KIF26B: variants seen among roughly 807,000 people sequenced by gnomAD.
KIF26B encodes the protein kinesin-like protein KIF26B.
A neutral mutation model predicts 151.2 loss-of-function variants in KIF26B; 63 were observed. The ratio of observed to expected loss-of-function variants is 0.42; its 90% CI spans 0.34 to 0.51. KIF26B has a LOEUF of 0.51. Ranked by LOEUF, KIF26B falls within the 20% of genes least tolerant of loss-of-function variation. The pLI, the probability that KIF26B is intolerant of heterozygous loss-of-function variation, is 0.07. For synonymous variants in KIF26B, 1,357 were observed against 1,262.1 expected (o/e 1.08, Z -1.59); for missense variants, 2,813 against 2,913.6 (o/e 0.97, Z 0.79).
chr1:245,344,080 G>T, intron 2 of KIF26B, among the ~76,000 whole-genome samples: 1 of 134,826 alleles, frequency 7.4e-6, no homozygotes, highest in African/African-American at 3.5e-5. Flanking sequence ...TCCCTGCCTC[G>T]CTGCCTCCCT....
intron 11 of KIF26B, among the ~76,000 whole-genome samples, chr1:245,685,132 T>C (rs1231283934): frequency 6.6e-6 from 1 of 152,236 alleles, no homozygotes; most frequent in Non-Finnish European, 1.5e-5. Context: ...CAGCAGCCCT[T>C]AGCTGGTCAG....
chr1:245,631,358 A>T (rs1487343083), intron 9 of KIF26B, among the ~76,000 whole-genome samples: 1 of 152,058 alleles, frequency 6.6e-6, no homozygotes, highest in South Asian at 2.1e-4. Flanking sequence ...TTTATCAAAT[A>T]TTTTTCCTGT....
rs114887415 is a variant in KIF26B at position 245,352,636 on chromosome 1, C to T, written c.466-14198C>T. Among the ~76,000 whole-genome samples, 1 of 151,984 alleles carries T rather than the reference C, an allele frequency of 6.6e-6. No individual in the cohort carries two copies. The highest frequency in any genetic ancestry group is 2.4e-5 in the African/African-American group (1 of 41,342). On this transcript the variant is annotated intron_variant, in intron 2 of 14. Transcript: ENST00000407071. The surrounding 1 kb of genome is among the most constrained non-coding windows in gnomAD (Gnocchi z 5.0). Reference sequence around the variant, plus strand: ...TTTGTCATTTTAATCCTTTTTTGGACCACAACAATCACTTTACGAACATTT... The same window carrying T: ...TTTGTCATTTTAATCCTTTTTTGGATCACAACAATCACTTTACGAACATTT...
Position 245,572,282 on chromosome 1 carries a change from T to G in KIF26B, c.1351-30295T>G, listed in dbSNP as rs2043073074. On this transcript the variant is annotated intron_variant, in intron 5 of 14. Transcript: ENST00000407071. The surrounding 1 kb of genome is among the most constrained non-coding windows in gnomAD (Gnocchi z 4.2). ...TGCCTGGTCAGGGTTGTGATCCCTT[T>G]TGGAGACAGAAGGAGGTAGACGTGC... Among the ~76,000 whole-genome samples the G allele has an allele frequency of 1.3e-5, 2 of 152,174 alleles. No homozygotes were observed.
At chr1:245,543,680 T>C (rs1189827423) in intron 5 of KIF26B, among the ~76,000 whole-genome samples, 1 of 152,186 alleles carries the variant, frequency 6.6e-6, no homozygotes, top group Non-Finnish European at 1.5e-5. Flanking sequence ...CTGGGCGCGG[T>C]GGCTCACGCC....
intron 2 of KIF26B, among the ~76,000 whole-genome samples, chr1:245,310,746 C>T (rs549620594): frequency 2.6e-5 from 4 of 152,200 alleles, no homozygotes; most frequent in Admixed American, 1.3e-4. Context: ...CAACGCGGGA[C>T]GATGGGGAGA....
intron 2 of KIF26B, among the ~76,000 whole-genome samples, chr1:245,271,969 C>T (rs1453085474): frequency 1.3e-5 from 2 of 152,134 alleles, no homozygotes; most frequent in Admixed American, 1.3e-4. Flanking sequence ...TCCAGTGAAA[C>T]CACCTTGTCT....
intron 5 of KIF26B, among the ~76,000 whole-genome samples, chr1:245,546,116 T>C (rs1661734303): frequency 6.6e-6 from 1 of 152,262 alleles, no homozygotes; most frequent in Non-Finnish European, 1.5e-5. Flanking sequence ...ACAAGATTTC[T>C]GTTCAGTTTA....
chr1:245,405,741 C>G (rs1394484370), intron 3 of KIF26B, among the ~76,000 whole-genome samples: 2 of 152,054 alleles, frequency 1.3e-5, no homozygotes, highest in Non-Finnish European at 2.9e-5. Context: ...TTCATGTTTC[C>G]ACATGGAACT....
intron 4 of KIF26B, among the ~76,000 whole-genome samples, chr1:245,424,998 C>A (rs1658585771): frequency 1.3e-5 from 2 of 151,366 alleles, no homozygotes; most frequent in East Asian, 1.9e-4. Context: ...GAGATCGAGA[C>A]AACTGATCGT....
At chr1:245,701,965 C>G (rs2044778312) in intron 14 of KIF26B, among the ~76,000 whole-genome samples, 1 of 152,216 alleles carries the variant, frequency 6.6e-6, no homozygotes, top group Admixed American at 6.5e-5. Context: ...ATGATACAGA[C>G]TTTTTACTCT....
At chr1:245,696,230 C>T (rs1017519309) in intron 12 of KIF26B, among the ~76,000 whole-genome samples, 1 of 152,222 alleles carries the variant, frequency 6.6e-6, no homozygotes, top group African/African-American at 2.4e-5. Context: ...GTGCTGGGTG[C>T]CCCTCTTGCT....
chr1:245,309,606 C>T (rs1671625304), intron 2 of KIF26B, among the ~76,000 whole-genome samples: 1 of 151,170 alleles, frequency 6.6e-6, no homozygotes. Context: ...TGTCATTCTC[C>T]ATCTTATGAT....
chr1:245,243,838 G>A (rs987758044), intron 2 of KIF26B, among the ~76,000 whole-genome samples: 2 of 151,514 alleles, frequency 1.3e-5, no homozygotes, highest in African/African-American at 4.9e-5. Flanking sequence ...GCAACAGAGT[G>A]AGACTCTGTC....
At chr1:245,312,022 C>T (rs962566242) in intron 2 of KIF26B, among the ~76,000 whole-genome samples, 3 of 152,308 alleles carry the variant, frequency 2.0e-5, no homozygotes, top group Non-Finnish European at 2.9e-5. Flanking sequence ...AGACCTCCTC[C>T]GGGGAGTGGT....
chr1:245,662,703 CCCAATGAT>C (rs747649926), intron 10 of KIF26B, among the ~76,000 whole-genome samples: 22,662 of 58,950 alleles, frequency 0.38, 4,311 homozygotes, highest in East Asian at 0.6. Context: ...TATATATAAA[CCCAATGAT>C]ACATATACAC....
chr1:245,599,731 C>A (rs769717289), intron 5 of KIF26B, among the ~76,000 whole-genome samples: 2 of 152,062 alleles, frequency 1.3e-5, no homozygotes, highest in African/African-American at 4.8e-5. Flanking sequence ...CCCAAAGTTG[C>A]GACTTGAATG....
In KIF26B at chr1:245,672,043, C is replaced by G. The variant is rs1380532030; in HGVS notation, c.2259-12190C>G. ...TCACCATCACATGATAAGGGGGAGT[C>G]CTTCCAGACTGCCAGTCAATGAAGT... On this transcript the variant is annotated intron_variant, in intron 10 of 14. Transcript: ENST00000407071. Among the ~76,000 whole-genome samples, 8 of 152,298 alleles carry G rather than the reference C, an allele frequency of 5.3e-5. No individual in the cohort carries two copies. The East Asian group carries it at 1.5e-3, about 29-fold the overall frequency.
At chr1:245,632,305 G>A (rs1373924422) in intron 9 of KIF26B, among the ~76,000 whole-genome samples, 1 of 152,078 alleles carries the variant, frequency 6.6e-6, no homozygotes, top group Non-Finnish European at 1.5e-5. Flanking sequence ...TAGGAGCATG[G>A]TTTTAAATTT....
Sources: gnomAD v4.1 joint callset for allele counts (sites outside exome capture counted in the v4.1 genomes callset) on GRCh38, gnomAD v4.1.1 for gene constraint, Gnocchi (gnomAD v3.1) non-coding constraint, MANE v1.5 for transcripts, NCBI Gene and HGNC (gene_info 2026-07-23, HGNC 2026-07-21) for gene names.